The following FAF1 variants were observed in gnomAD, a reference collection of about 807,000 sequenced individuals.
FAF1 encodes the protein Fas associated factor 1.
FAF1 carries 25 observed loss-of-function variants against 92.5 expected under a neutral mutation model. The ratio of observed to expected loss-of-function variants is 0.27; its 90% CI spans 0.20 to 0.38. The LOEUF is 0.38. Among genes scored for constraint, FAF1 ranks in the 10% least tolerant of loss-of-function variants. The probability of loss-of-function intolerance (pLI) is 1.00; values close to 1 mark genes in which losing one functional copy is unlikely to be tolerated. For missense variants in FAF1, 636 were observed against 793.3 expected (o/e 0.80, Z 2.38); for synonymous variants, 234 against 273.2 (o/e 0.86, Z 1.42).
At chr1:50,795,013 G>A (rs1391825060) in intron 3 of FAF1, among the ~76,000 whole-genome samples, 1 of 152,156 alleles carries the variant, frequency 6.6e-6, no homozygotes, top group Non-Finnish European at 1.5e-5. Context: ...ACATAGATAA[G>A]AAGACATTGT....
At chr1:50,627,357 A>G (rs1208691448) in intron 8 of FAF1, among the ~76,000 whole-genome samples, 1 of 152,162 alleles carries the variant, frequency 6.6e-6, no homozygotes, top group African/African-American at 2.4e-5. Flanking sequence ...AAAGCGTCTC[A>G]GGAAGGAGTT....
At chr1:50,453,487 T>C (rs910586076) in intron 18 of FAF1, among the ~76,000 whole-genome samples, 20 of 152,170 alleles carry the variant, frequency 1.3e-4, no homozygotes, top group African/African-American at 4.8e-4. Context: ...CAGCAGGAGA[T>C]CATTAAATTT....
chr1:50,682,256 T>G (rs1656458806), intron 7 of FAF1, among the ~76,000 whole-genome samples: 1 of 152,048 alleles, frequency 6.6e-6, no homozygotes, highest in Non-Finnish European at 1.5e-5. Context: ...TCTCTGCACT[T>G]TGGGAGGCCA....
chr1:50,958,703 T>TA (rs1645290910), intron 1 of FAF1, among the ~76,000 whole-genome samples: 1 of 151,576 alleles, frequency 6.6e-6, no homozygotes, highest in East Asian at 1.9e-4. Context: ...TTAATTAATT[T>TA]TAAAAAAAAT....
intron 4 of FAF1, among the ~76,000 whole-genome samples, chr1:50,783,178 T>C (rs886845816): frequency 2.0e-5 from 3 of 152,132 alleles, no homozygotes; most frequent in Admixed American, 2.0e-4. Flanking sequence ...ACAGAAAATC[T>C]GAACAGACAT....
At chr1:50,872,538 T>A (rs539678079) in intron 1 of FAF1, among the ~76,000 whole-genome samples, 2 of 152,312 alleles carry the variant, frequency 1.3e-5, no homozygotes, top group East Asian at 3.9e-4. Context: ...CCTTAACTGA[T>A]AAAGCAGCAG....
chr1:50,905,013 T>C (rs971624068), intron 1 of FAF1, among the ~76,000 whole-genome samples: 6 of 152,118 alleles, frequency 3.9e-5, no homozygotes, highest in African/African-American at 1.4e-4. Context: ...ATTAGGTTTA[T>C]CTCCTAATGC....
chr1:50,736,778 A>G lies in FAF1; in HGVS notation c.551+2085T>C, dbSNP rs1219334267. The stretch of plus-strand genomic sequence containing the variant: ...AAAAAAAGAAAGAAAGAAAAAAAAA[A>G]GATGTCAAAATATTTTTATTTGATG... On this transcript the variant is annotated intron_variant, in intron 6 of 18. Coordinates refer to ENST00000396153, the MANE Select transcript of FAF1 (RefSeq NM_007051.3). Among the ~76,000 whole-genome samples the G allele has an allele frequency of 2.6e-5, 4 of 152,232 alleles. No individual in the cohort carries two copies. In the South Asian group the frequency reaches 8.3e-4, roughly 32 times the overall value.
intron 13 of FAF1, among the ~76,000 whole-genome samples, chr1:50,563,038 A>G (rs1192491102): frequency 6.6e-6 from 1 of 152,190 alleles, no homozygotes; most frequent in African/African-American, 2.4e-5. Flanking sequence ...TCTAGAGACG[A>G]CTCAAAGTAG....
At chr1:50,594,559 A>T (rs557001117) in intron 9 of FAF1, among the ~76,000 whole-genome samples, 119 of 143,470 alleles carry the variant, frequency 8.3e-4, no homozygotes, top group African/African-American at 3.0e-3. Flanking sequence ...ATATTTCCTT[A>T]TAATATTCTT....
intron 2 of FAF1, among the ~76,000 whole-genome samples, chr1:50,840,063 T>TA (rs1040670567): frequency 9.2e-5 from 14 of 151,714 alleles, no homozygotes; most frequent in Admixed American, 9.2e-4. Context: ...AAAAATAAAA[T>TA]AAAAAAACTT....
intron 7 of FAF1, among the ~76,000 whole-genome samples, chr1:50,662,672 T>G (rs1655428619): frequency 7.2e-6 from 1 of 138,930 alleles, no homozygotes; most frequent in African/African-American, 2.6e-5. Context: ...TTTATTAAAA[T>G]GAATTTGTAT....
chr1:50,769,752 G>A (rs757170731), intron 4 of FAF1, among the ~76,000 whole-genome samples: 3 of 152,022 alleles, frequency 2.0e-5, no homozygotes, highest in East Asian at 1.9e-4. Context: ...CATGCTTCAC[G>A]TTAAAAACCC....
At chr1:50,532,242 G>C (rs575484938) in intron 15 of FAF1, among the ~76,000 whole-genome samples, 4 of 152,220 alleles carry the variant, frequency 2.6e-5, no homozygotes, top group Middle Eastern at 6.8e-3. Flanking sequence ...TGGAGCATTG[G>C]ATTTTTCCTG....
At chr1:50,860,154 A>G (rs1644420899) in intron 1 of FAF1, among the ~76,000 whole-genome samples, 1 of 151,928 alleles carries the variant, frequency 6.6e-6, no homozygotes. Flanking sequence ...ATAAGAATCT[A>G]GAAGAAAACC....
At chr1:50,537,794 G>A (rs1368391802) in intron 14 of FAF1, among the ~76,000 whole-genome samples, 1 of 152,028 alleles carries the variant, frequency 6.6e-6, no homozygotes, top group Non-Finnish European at 1.5e-5. Context: ...ATATTGTACT[G>A]GTTGAAATTT....
At chr1:50,626,060 AT>A (rs1294972662) in intron 8 of FAF1, among the ~76,000 whole-genome samples, 1 of 152,228 alleles carries the variant, frequency 6.6e-6, no homozygotes, top group Non-Finnish European at 1.5e-5. Flanking sequence ...ATATTCCAAA[AT>A]CAAAGTTAAA....
intron 2 of FAF1, among the ~76,000 whole-genome samples, chr1:50,816,117 GA>G (rs1227542784): frequency 6.7e-6 from 1 of 150,116 alleles, no homozygotes; most frequent in Non-Finnish European, 1.5e-5. Flanking sequence ...GAATATTAGT[GA>G]TTTTTTTTTC....
chr1:50,526,384 C>T (rs1323495823), intron 15 of FAF1, among the ~76,000 whole-genome samples: 2 of 151,586 alleles, frequency 1.3e-5, no homozygotes, highest in East Asian at 3.9e-4. Flanking sequence ...TCTCTTGAGC[C>T]CAGGAGTTCA....
Sources: allele counts gnomAD v4.1 joint callset (sites outside exome capture counted in the v4.1 genomes callset), GRCh38; gene constraint gnomAD v4.1.1; transcripts MANE v1.5; gene names NCBI Gene and HGNC (gene_info 2026-07-23, HGNC 2026-07-21).